The following BPTF variants were observed in gnomAD, a reference collection of about 807,000 sequenced individuals.
BPTF encodes nucleosome-remodeling factor subunit BPTF.
BPTF carries 18 observed loss-of-function variants against 292.5 expected under a neutral mutation model. The observed-to-expected ratio is 0.06, with a 90% CI of 0.04 to 0.09. The LOEUF (loss-of-function observed/expected upper bound fraction) is 0.09, where lower values mean the gene tolerates loss of function less well. Ranked by LOEUF, BPTF falls within the 10% of genes least tolerant of loss-of-function variation. The probability of loss-of-function intolerance (pLI) is 1.00; values close to 1 mark genes in which losing one functional copy is unlikely to be tolerated. For missense variants in BPTF, 2,726 were observed against 3,498.7 expected, an observed-to-expected ratio of 0.78 and a Z score of 5.57; for synonymous variants, 1,225 against 1,251.9, an observed-to-expected ratio of 0.98 and a Z score of 0.45.
chr17:67,947,629 A>G, intron 21 of BPTF, 97 bp from the exon 22 acceptor site: 1 of 942,118 alleles, frequency 1.1e-6, no homozygotes, highest in Non-Finnish European at 1.5e-6. Flanking sequence ...GTTTCTTTAA[A>G]AAAACACATA....
chr17:67,945,208 T>A (rs1598828824), intron 20 of BPTF, among the ~76,000 whole-genome samples: 4 of 151,960 alleles, frequency 2.6e-5, no homozygotes, highest in South Asian at 2.1e-4. Flanking sequence ...GATAATTTTT[T>A]ATTTTTTTTG....
At chr17:67,868,052 A>C (rs1217722148) in intron 3 of BPTF, among the ~76,000 whole-genome samples, 1 of 152,172 alleles carries the variant, frequency 6.6e-6, no homozygotes, top group Non-Finnish European at 1.5e-5. Context: ...TATTTCTATG[A>C]GTATACATTC....
intron 2 of BPTF, among the ~76,000 whole-genome samples, chr17:67,863,932 C>T (rs1227512801): frequency 3.4e-5 from 5 of 147,304 alleles, no homozygotes; most frequent in Non-Finnish European, 7.5e-5. Context: ...TGTATGTTTG[C>T]TCTTAATTAT....
At chr17:67,932,725 G>A (rs1738630559) in intron 18 of BPTF, among the ~76,000 whole-genome samples, 1 of 151,892 alleles carries the variant, frequency 6.6e-6, no homozygotes, top group African/African-American at 2.4e-5. Flanking sequence ...AGTTGAAAAT[G>A]TTAAAGATTT....
intron 19 of BPTF, among the ~76,000 whole-genome samples, chr17:67,942,902 C>T (rs1321131140): frequency 1.3e-5 from 2 of 152,110 alleles, no homozygotes; most frequent in Non-Finnish European, 2.9e-5. Context: ...GTATAAGATT[C>T]AGAAATAGGC....
At chr17:67,929,280 C>T (rs183534662) in intron 16 of BPTF, 56 bp from the exon 17 acceptor site, 211 of 1,600,448 alleles carry the variant, frequency 1.3e-4, no homozygotes, top group Non-Finnish European at 1.7e-4. Flanking sequence ...CCGAGCACCA[C>T]GTAATGCTTT....
chr17:67,945,753 A>T lies in BPTF; in HGVS notation c.7045A>T (p.Thr2349Ser), dbSNP rs782685681. The change falls in exon 21 of 28, where the codon ACT (threonine) becomes TCT (serine). Residue 2349 changes from threonine (T) to serine (S), a missense_variant. Thr to Ser is a moderately conservative substitution (Grantham distance 58). Transcript: ENST00000306378. ...TGTTCGTGTCCAAAGTCCATCACAG[A>T]CTCGAATACGTCCATCAACTCCATC... Reference protein sequence around the residue: ...SPVRVQSPSQTRIRPSTPSQL... With the variant: ...SPVRVQSPSQSRIRPSTPSQL... The T allele has an allele frequency of 6.2e-7, 1 of 1,614,050 alleles. No individual in the cohort carries two copies. The highest frequency in any genetic ancestry group is 8.5e-7 in the Non-Finnish European group (1 of 1,180,002).
intron 27 of BPTF, among the ~76,000 whole-genome samples, chr17:67,979,704 C>T (rs1555695916): frequency 6.6e-6 from 1 of 152,022 alleles, no homozygotes; most frequent in African/African-American, 2.4e-5. Flanking sequence ...CTTGCCATAG[C>T]AGGGCTTAAA....
chr17:67,917,153 GAT>G (rs2063088267), intron 11 of BPTF, among the ~76,000 whole-genome samples: 1 of 66,494 alleles, frequency 1.5e-5, no homozygotes, highest in Admixed American at 1.6e-4. Flanking sequence ...TTTTTTTTGA[GAT>G]AGAGTCTCAC....
chr17:67,928,408 AACAAGCAGT>A lies in BPTF; in HGVS notation c.5810_5818del (p.Ser1937_Thr1939del). On this transcript the variant is annotated inframe_deletion, in exon 16 of 28. Coordinates refer to ENST00000306378, the MANE Select transcript of BPTF (RefSeq NM_182641.4). Reference sequence around the variant, plus strand: ...TGATTGCAACTTCCACTACTTCCCCAACAAGCAGTACAACCAGCACCATCTCTCCAGCAC... The same window carrying A: ...TGATTGCAACTTCCACTACTTCCCCAACAACCAGCACCATCTCTCCAGCAC... 1 of 1,614,020 alleles carries A rather than the reference AACAAGCAGT, an allele frequency of 6.2e-7. No individual in the cohort carries two copies. The highest frequency in any genetic ancestry group is 8.5e-7 in the Non-Finnish European group (1 of 1,179,946).
chr17:67,869,827 C>CAAAAAAAAAAA (rs772941425), intron 3 of BPTF, among the ~76,000 whole-genome samples: 39 of 56,414 alleles, frequency 6.9e-4, no homozygotes, highest in East Asian at 1.3e-3. Context: ...ACTAAAAATA[C>CAAAAAAAAAAA]AAAAAAAAAA....
chr17:67,936,291 T>TA (rs1434844494), intron 18 of BPTF, among the ~76,000 whole-genome samples: 4 of 152,212 alleles, frequency 2.6e-5, no homozygotes, highest in African/African-American at 9.6e-5. Flanking sequence ...TTATTTCAGT[T>TA]AATGCTGCAG....
chr17:67,883,820 C>T (rs536013118), intron 4 of BPTF, among the ~76,000 whole-genome samples: 13 of 152,094 alleles, frequency 8.5e-5, no homozygotes, highest in African/African-American at 3.1e-4. Context: ...AGGCTGGTCT[C>T]GAACTCCTGA....
At chr17:67,964,998 C>CAAAAAAAA (rs58009257) in intron 25 of BPTF, 1 of 44,070 alleles carries the variant, frequency 2.3e-5, no homozygotes, top group African/African-American at 1.2e-4. Context: ...GACTCCATCG[C>CAAAAAAAA]AAAAAAAAAA....
At chr17:67,842,442 C>T (rs1210439905) in intron 1 of BPTF, among the ~76,000 whole-genome samples, 1 of 152,098 alleles carries the variant, frequency 6.6e-6, no homozygotes, top group African/African-American at 2.4e-5. Flanking sequence ...GAGTTACCAC[C>T]ATAATATCAA....
intron 27 of BPTF, among the ~76,000 whole-genome samples, chr17:67,978,911 T>C (rs1555695463): frequency 6.6e-6 from 1 of 151,780 alleles, no homozygotes; most frequent in Non-Finnish European, 1.5e-5. Context: ...GCACGGTGGC[T>C]CATGCCTGTA....
chr17:67,902,257 A>G (rs1354402384), intron 7 of BPTF, among the ~76,000 whole-genome samples: 1 of 152,152 alleles, frequency 6.6e-6, no homozygotes, highest in African/African-American at 2.4e-5. Flanking sequence ...AGTCCTTCAG[A>G]CAGTGCTCCA....
intron 19 of BPTF, among the ~76,000 whole-genome samples, chr17:67,940,916 A>G (rs1262034087): frequency 1.3e-5 from 2 of 152,222 alleles, no homozygotes; most frequent in Admixed American, 6.5e-5. Flanking sequence ...GCTAATCTCC[A>G]TGAGACAAAT....
At chr17:67,833,848 G>A (rs1226979720) in intron 1 of BPTF, among the ~76,000 whole-genome samples, 1 of 152,180 alleles carries the variant, frequency 6.6e-6, no homozygotes, top group Non-Finnish European at 1.5e-5. Flanking sequence ...GATTACAGGT[G>A]TGAGCCACCG....
Sources: allele counts gnomAD v4.1 joint callset (sites outside exome capture counted in the v4.1 genomes callset), GRCh38; gene constraint gnomAD v4.1.1; transcripts MANE v1.5; gene names NCBI Gene and HGNC (gene_info 2026-07-23, HGNC 2026-07-21).